Variants in SLC44A5 observed in about 807,000 individuals in gnomAD.
The protein encoded by SLC44A5 is choline transporter-like protein 5.
Under a neutral mutation model 101.8 loss-of-function variants are expected in SLC44A5, and 57 were observed. The ratio of observed to expected loss-of-function variants is 0.56; its 90% CI spans 0.45 to 0.70. The LOEUF is 0.70. Ranked by LOEUF, SLC44A5 falls within the 30% of genes least tolerant of loss-of-function variation. SLC44A5 has a pLI of 0.00. For missense variants in SLC44A5, 737 were observed against 853.1 expected (o/e 0.86, Z 1.70); for synonymous variants, 281 against 290.9 (o/e 0.97, Z 0.35).
In SLC44A5 at chr1:75,471,019, A is replaced by G. The variant is rs550153449; in HGVS notation, c.13+70416T>C. Among the ~76,000 whole-genome samples the G allele has an allele frequency of 1.7e-3, 261 of 152,284 alleles. 1 individual carries two copies. Among genetic ancestry groups the G allele is most frequent in the African/African-American group, 6.1e-3 (253 of 41,566 alleles). On this transcript the variant is annotated intron_variant, in intron 2 of 23. Transcript: ENST00000370859. ...TTGGGGGTAAATGAAAAAGCTAACA[A>G]AACACAACTATCTTCAAATATAATG... is the stretch of plus-strand genomic sequence containing the variant.
chr1:75,254,122 T>A (rs1183450677), intron 6 of SLC44A5, among the ~76,000 whole-genome samples: 2 of 152,024 alleles, frequency 1.3e-5, no homozygotes, highest in Non-Finnish European at 1.5e-5. Flanking sequence ...CACTGCGACC[T>A]CTGCCTCCAG....
At chr1:75,264,227 C>G (rs1411965635) in intron 6 of SLC44A5, among the ~76,000 whole-genome samples, 3 of 152,208 alleles carry the variant, frequency 2.0e-5, no homozygotes, top group South Asian at 2.1e-4. Flanking sequence ...CCTTGTGTCT[C>G]CACATCCCTG....
chr1:75,386,297 T>C (rs535315887), intron 3 of SLC44A5, among the ~76,000 whole-genome samples: 4 of 152,282 alleles, frequency 2.6e-5, no homozygotes, highest in East Asian at 1.9e-4. Flanking sequence ...CATGATTGTA[T>C]ATCTAGAAAA....
At chr1:75,220,504 T>A (rs184083145) in intron 14 of SLC44A5, among the ~76,000 whole-genome samples, 1 of 152,154 alleles carries the variant, frequency 6.6e-6, no homozygotes, top group African/African-American at 2.4e-5. Context: ...TTGGAAAATA[T>A]AATGTCTATT....
At position 75,217,472 on chromosome 1, in the gene SLC44A5, A is replaced by T. The variant is rs189142341; in HGVS notation, c.1624+394T>A. Among the ~76,000 whole-genome samples the T allele has an allele frequency of 2.4e-4, 36 of 152,206 alleles. No individual in the cohort carries two copies. In the East Asian group the frequency reaches 6.4e-3, roughly 27 times the overall value. On this transcript the variant is annotated intron_variant, in intron 18 of 23. Transcript: ENST00000370859. Reference sequence around the variant, plus strand: ...TAAACAATATATATCAGGTATGAAGATTTATGCCCGTGACACCCACATTTA... The same window carrying T: ...TAAACAATATATATCAGGTATGAAGTTTTATGCCCGTGACACCCACATTTA...
chr1:75,590,127 C>G (rs1452199588), intron 1 of SLC44A5, among the ~76,000 whole-genome samples: 1 of 151,944 alleles, frequency 6.6e-6, no homozygotes, highest in African/African-American at 2.4e-5. Flanking sequence ...CTTCCCCTAA[C>G]CCCTGACTGC....
At chr1:75,475,234 C>A (rs1667318084) in intron 2 of SLC44A5, among the ~76,000 whole-genome samples, 2 of 152,184 alleles carry the variant, frequency 1.3e-5, no homozygotes, top group South Asian at 4.1e-4. Context: ...TTCTAGATGT[C>A]CTTCCAATAT....
At chr1:75,490,180 T>C (rs1170734341) in intron 2 of SLC44A5, among the ~76,000 whole-genome samples, 1 of 152,148 alleles carries the variant, frequency 6.6e-6, no homozygotes, top group Non-Finnish European at 1.5e-5. Flanking sequence ...AGCTCTGATG[T>C]TCTCATATCT....
At position 75,376,790 on chromosome 1, in the gene SLC44A5, G is replaced by A. The variant is rs545326024; in HGVS notation, c.52+19793C>T. 8.8e-3 allele frequency among the ~76,000 whole-genome samples: 1,340 copies of A among 152,320 alleles called. 21 individuals carry two copies. The highest frequency in any genetic ancestry group is 0.03 in the African/African-American group (1,253 of 41,558). ...CAGAGCGCCTCTCCTCCAAAGGAAC[G>A]CAGTTCCTCACCAGCAATGGAACAA... On this transcript the variant is annotated intron_variant, in intron 3 of 23. Coordinates refer to ENST00000370859, the MANE Select transcript of SLC44A5 (RefSeq NM_001130058.2).
At chr1:75,390,731 ACAT>A (rs1661729184) in intron 3 of SLC44A5, among the ~76,000 whole-genome samples, 1 of 152,202 alleles carries the variant, frequency 6.6e-6, no homozygotes, top group African/African-American at 2.4e-5. Flanking sequence ...CCTGTAGCCA[ACAT>A]CATACTAAAA....
At chr1:75,406,010 T>TA (rs1295472658) in intron 2 of SLC44A5, among the ~76,000 whole-genome samples, 1 of 150,516 alleles carries the variant, frequency 6.6e-6, no homozygotes, top group Non-Finnish European at 1.5e-5. Flanking sequence ...ATAGATGCAA[T>TA]AAAAAATGAT....
At chr1:75,446,331 T>A (rs1463028451) in intron 2 of SLC44A5, among the ~76,000 whole-genome samples, 1 of 152,164 alleles carries the variant, frequency 6.6e-6, no homozygotes, top group African/African-American at 2.4e-5. Flanking sequence ...GCCATACCAG[T>A]AGTTTTACTG....
In SLC44A5 at chr1:75,463,142, C is replaced by A. The variant is rs114055545; in HGVS notation, c.14-66521G>T. Among the ~76,000 whole-genome samples the A allele has an allele frequency of 3.6e-3, 545 of 152,310 alleles. 2 individuals are homozygous for A. Among genetic ancestry groups the A allele is most frequent in the African/African-American group, 0.013 (528 of 41,570 alleles). ...AAGGATTAATAAAAAAAGATCCTGG[C>A]TGGGCACGGTGGCTCACGCCTGTAA... On this transcript the variant is annotated intron_variant, in intron 2 of 23. Coordinates refer to ENST00000370859, the MANE Select transcript of SLC44A5 (RefSeq NM_001130058.2).
chr1:75,435,130 T>G (rs1168557741), intron 2 of SLC44A5, among the ~76,000 whole-genome samples: 1 of 152,144 alleles, frequency 6.6e-6, no homozygotes. Flanking sequence ...GTTTAGTAAT[T>G]TTAGTACTTT....
In SLC44A5 at chr1:75,303,964, A is replaced by T. The variant is rs189154400; in HGVS notation, c.102-3279T>A. On this transcript the variant is annotated intron_variant, in intron 4 of 23. Coordinates refer to ENST00000370859, the MANE Select transcript of SLC44A5 (RefSeq NM_001130058.2). ...GAACTTAAAGTATAATAATTAAAAA[A>T]ATATATCTCAGTAGAAGATCTAATT... Among the ~76,000 whole-genome samples, 1,450 of 152,304 alleles carry T rather than the reference A, an allele frequency of 9.5e-3. 31 individuals are homozygous for T. Among genetic ancestry groups the T allele is most frequent in the African/African-American group, 0.033 (1,373 of 41,564 alleles).
intron 2 of SLC44A5, among the ~76,000 whole-genome samples, chr1:75,536,404 C>A (rs1671004816): frequency 1.3e-5 from 2 of 151,082 alleles, no homozygotes; most frequent in South Asian, 4.2e-4. Context: ...TCGAGACCAT[C>A]CTGGCTAACA....
At chr1:75,603,782 G>A (rs1267202730) in intron 1 of SLC44A5, among the ~76,000 whole-genome samples, 2 of 36,438 alleles carry the variant, frequency 5.5e-5, no homozygotes, top group East Asian at 1.7e-3. Context: ...CTGCTTGTAT[G>A]TCTTCTTTTT....
At chr1:75,582,011 A>G in intron 1 of SLC44A5, 2 of 564,514 alleles carry the variant, frequency 3.5e-6, no homozygotes, top group Non-Finnish European at 6.3e-6. Context: ...AGTAATGCAA[A>G]CAGACCAAGA....
chr1:75,407,592 C>T (rs1410289966), intron 2 of SLC44A5, among the ~76,000 whole-genome samples: 1 of 152,038 alleles, frequency 6.6e-6, no homozygotes, highest in East Asian at 1.9e-4. Context: ...ACAAACCTGA[C>T]AAAAACAAGC....
Sources: gnomAD v4.1 joint callset for allele counts (sites outside exome capture counted in the v4.1 genomes callset) on GRCh38, gnomAD v4.1.1 for gene constraint, MANE v1.5 for transcripts, NCBI Gene and HGNC (gene_info 2026-07-23, HGNC 2026-07-21) for gene names.